The following TRPV1 variants were observed in gnomAD, a reference collection of about 807,000 sequenced individuals.
TRPV1 encodes transient receptor potential cation channel subfamily V member 1, also known as OTRPC1.
TRPV1 carries 82 observed loss-of-function variants against 82.3 expected under a neutral mutation model. The ratio of observed to expected loss-of-function variants is 1.00; its 90% CI spans 0.83 to 1.20. The LOEUF (loss-of-function observed/expected upper bound fraction) is 1.20, where lower values mean the gene tolerates loss of function less well. Ranked by LOEUF, TRPV1 falls within the 50% of genes most tolerant of loss-of-function variation. The pLI, the probability that TRPV1 is intolerant of heterozygous loss-of-function variation, is 0.00. For synonymous variants in TRPV1, 515 were observed against 467.7 expected, an observed-to-expected ratio of 1.10 and a Z score of -1.30; for missense variants, 1,067 against 1,096.8, an observed-to-expected ratio of 0.97 and a Z score of 0.38.
chr17:3,589,885 C>A lies in TRPV1; in HGVS notation c.966G>T (p.Pro322=), dbSNP rs913801171. ...EILMLGAKLH[P]TLKLEELTNK... ...TGGTGAGCTCCTCCAGCTTCAGCGT[C>A]GGGTGCAGTTTGGCCCCCAGCATCA... The change falls in exon 7 of 17, where the codon CCG becomes CCT. Residue 322 remains proline, a synonymous_variant. Coordinates refer to ENST00000572705, the MANE Select transcript of TRPV1 (RefSeq NM_080704.4). 5.0e-6 allele frequency: 8 copies of A among 1,610,592 alleles called. No homozygotes were observed. The highest frequency in any genetic ancestry group is 5.9e-6 in the Non-Finnish European group (7 of 1,178,648).
Position 3,588,341 on chromosome 17 carries a change from C to A in TRPV1, c.1071G>T (p.Glu357Asp). ...IGVLAYILQR[E>D]IQEPECRHLS... Reference sequence around the variant, plus strand: ...GGTGCCTGCACTCGGGCTCCTGGATCTCCCGCTGGAGAATATAGGCCAAGA... The same window carrying A: ...GGTGCCTGCACTCGGGCTCCTGGATATCCCGCTGGAGAATATAGGCCAAGA... Residue 357 changes from glutamate to aspartate, a missense_variant, in exon 8 of 17, where the codon GAG (glutamate) becomes GAT (aspartate). Coordinates refer to ENST00000572705, the MANE Select transcript of TRPV1 (RefSeq NM_080704.4). 1 of 1,561,824 alleles carries A rather than the reference C, an allele frequency of 6.4e-7. No homozygotes were observed. Among genetic ancestry groups the A allele is most frequent in the Non-Finnish European group, 8.7e-7 (1 of 1,153,186 alleles).
intron 13 of TRPV1, among the ~76,000 whole-genome samples, chr17:3,576,915 A>C (rs535396707): frequency 1.3e-5 from 2 of 151,198 alleles, no homozygotes; most frequent in Admixed American, 6.6e-5. Flanking sequence ...CAGCCACAGC[A>C]CTTCCAGCCT....
chr17:3,593,276 C>T (rs1291601346), intron 2 of TRPV1, among the ~76,000 whole-genome samples: 2 of 152,094 alleles, frequency 1.3e-5, no homozygotes, highest in South Asian at 2.1e-4. Flanking sequence ...CGCCACCATG[C>T]GTGGCTAATG....
At chr17:3,600,784 C>T (rs1206671330) in intron 2 of TRPV1, among the ~76,000 whole-genome samples, 1 of 152,132 alleles carries the variant, frequency 6.6e-6, no homozygotes, top group Admixed American at 6.5e-5. Context: ...CCACTCCTGC[C>T]GGGACTCCCT....
At chr17:3,587,975 G>A (rs139139060) in intron 8 of TRPV1, among the ~76,000 whole-genome samples, 2,242 of 152,290 alleles carry the variant, frequency 0.015, 20 homozygotes, top group Non-Finnish European at 0.025. Flanking sequence ...CCTCTGAAAC[G>A]TTTCTGTTTT....
At position 3,585,604 on chromosome 17, in the gene TRPV1, G is replaced by C. The variant is rs1465004486; in HGVS notation, c.1383+164C>G. 9.8e-6 allele frequency: 8 copies of C among 812,708 alleles called. No homozygotes were observed. In the Admixed American group the frequency reaches 2.2e-4, roughly 22 times the overall value. The allele number at this position is 812,708 out of a possible 1,614,324, so 50.3% of individuals were successfully genotyped here. On this transcript the variant is annotated intron_variant, in intron 9 of 16. Coordinates refer to ENST00000572705, the MANE Select transcript of TRPV1 (RefSeq NM_080704.4). Reference sequence around the variant, plus strand: ...ACAGCCTGAGGCAGGGGAGATGGGCGCAGGGATACGAGGTTCTCCACGTTC... The same window carrying C: ...ACAGCCTGAGGCAGGGGAGATGGGCCCAGGGATACGAGGTTCTCCACGTTC...
At position 3,585,861 on chromosome 17, in the gene TRPV1, G is replaced by T. The variant is rs201022949; in HGVS notation, c.1290C>A (p.Phe430Leu). The T allele has an allele frequency of 3.0e-4, 479 of 1,613,888 alleles. No individual in the cohort carries two copies. The highest frequency in any genetic ancestry group is 3.4e-4 in the Non-Finnish European group (401 of 1,179,900). Residue 430 changes from phenylalanine to leucine, a missense_variant, in exon 9 of 17, where the codon TTC becomes TTA. By Grantham distance (22) the Phe-to-Leu change is conservative. Coordinates refer to ENST00000572705, the MANE Select transcript of TRPV1 (RefSeq NM_080704.4). The part of the protein sequence containing the change: ...NRLLQDKWDR[F>L]VKRIFYFNFL... The stretch of plus-strand genomic sequence containing the variant: ...AGTTGAAGTAGAAGATGCGCTTGAC[G>T]AATCTGTCCCACTTGTCCTGCAGGA...
chr17:3,592,225 C>T lies in TRPV1; in HGVS notation c.126G>A (p.Thr42=), dbSNP rs957047890. Residue 42 remains threonine (T), a synonymous_variant, in exon 3 of 17, where the codon ACG becomes ACA. Coordinates refer to ENST00000572705, the MANE Select transcript of TRPV1 (RefSeq NM_080704.4). ...RPPPAKPQLS[T]AKSRTRLFGK... The stretch of plus-strand genomic sequence containing the variant: ...CAAAGAGCCGGGTGCGGCTCTTGGC[C>T]GTGGAGAGCTGGGGCTTGGCTGGAG... 6 of 1,611,950 alleles carry T rather than the reference C, an allele frequency of 3.7e-6. No homozygotes were observed. The African/African-American group carries it at 5.3e-5, about 14-fold the overall frequency.
At chr17:3,577,865 C>T (rs1016979943) in intron 11 of TRPV1, 102 bp from the exon 12 acceptor site, 12 of 1,131,932 alleles carry the variant, frequency 1.1e-5, no homozygotes, top group Middle Eastern at 4.6e-4. Context: ...GACTGCAGGC[C>T]GCAATAGGAG....
Position 3,573,921 on chromosome 17 carries a change from G to C in TRPV1, c.1815C>G (p.Asp605Glu). The change falls in exon 14 of 17, where the codon GAC becomes GAG. Residue 605 changes from aspartate to glutamate, a missense_variant. Transcript: ENST00000572705. Reference sequence around the variant, plus strand: ...GCGACGTGGACTCAGACGGCAGGGAGTCATTCTTCCCGTCTTCAATCAGCG... The same window carrying C: ...GCGACGTGGACTCAGACGGCAGGGACTCATTCTTCCCGTCTTCAATCAGCG... ...VVTLIEDGKN[D>E]SLPSESTSHR... The C allele has an allele frequency of 6.2e-7, 1 of 1,607,144 alleles. No homozygotes were observed. The highest frequency in any genetic ancestry group is 8.5e-7 in the Non-Finnish European group (1 of 1,178,012).
intron 2 of TRPV1, among the ~76,000 whole-genome samples, chr17:3,606,144 A>T (rs1366573312): frequency 6.6e-6 from 1 of 152,084 alleles, no homozygotes; most frequent in Admixed American, 6.6e-5. Context: ...TATTTTTAGT[A>T]GAGACGGGGT....
intron 10 of TRPV1, 134 bp from the exon 11 acceptor site, chr17:3,580,661 A>T (rs1270636418): frequency 1.1e-6 from 1 of 936,784 alleles, no homozygotes; most frequent in Admixed American, 1.9e-5. Context: ...AAAAGAGCAG[A>T]ACAGCAAGGG....
At chr17:3,574,516 C>G (rs1247775573) in intron 13 of TRPV1, among the ~76,000 whole-genome samples, 1 of 152,186 alleles carries the variant, frequency 6.6e-6, no homozygotes, top group African/African-American at 2.4e-5. Flanking sequence ...CCTATTAGGT[C>G]TCTCTTAGTC....
At position 3,577,278 on chromosome 17, in the gene TRPV1, C is replaced by A. The variant is rs1365775493; in HGVS notation, c.1714-86G>T. Reference sequence around the variant, plus strand: ...GCCGGGCCGCATCGGCCTGGGGATGCGTCTTGAGAACGTGCAGGGCGGTTT... The same window carrying A: ...GCCGGGCCGCATCGGCCTGGGGATGAGTCTTGAGAACGTGCAGGGCGGTTT... On this transcript the variant is annotated intron_variant, in intron 12 of 16. Coordinates refer to ENST00000572705, the MANE Select transcript of TRPV1 (RefSeq NM_080704.4). 17 of 1,424,600 alleles carry A rather than the reference C, an allele frequency of 1.2e-5. 1 individual carries two copies. In the South Asian group the frequency reaches 1.7e-4, roughly 15 times the overall value. 88.2% of individuals were successfully genotyped at this position (1,424,600 alleles called of 1,614,324 possible). A position where few individuals can be genotyped will look rare whatever the true frequency, so the allele number is the denominator to read the frequency against.
At chr17:3,574,709 G>A (rs1460277148) in intron 13 of TRPV1, among the ~76,000 whole-genome samples, 1 of 152,162 alleles carries the variant, frequency 6.6e-6, no homozygotes, top group Non-Finnish European at 1.5e-5. Flanking sequence ...AGCACTTTGG[G>A]AGGCTGAGGC....
In TRPV1 at chr17:3,594,126, T is replaced by TA. The variant is rs1184190327; in HGVS notation, c.-33-1744_-33-1743insT. Among the ~76,000 whole-genome samples, 18 of 33,968 alleles carry TA rather than the reference T, an allele frequency of 5.3e-4. No homozygotes were observed. In the Admixed American group the frequency reaches 6.7e-3, roughly 13 times the overall value. The allele number at this position is 33,968 out of a possible 152,430, so 22.3% of individuals were successfully genotyped here. A position where few individuals can be genotyped will look rare whatever the true frequency, so the allele number is the denominator to read the frequency against. ...CTGGGCAACAGAGTGAAACTCTGTC[T>TA]CAAAAAAAAAAAAAAAAAAAAAAAA... On this transcript the variant is annotated intron_variant, in intron 2 of 16. Transcript: ENST00000572705.
chr17:3,604,612 A>AG (rs2075285601), intron 2 of TRPV1, among the ~76,000 whole-genome samples: 1 of 151,720 alleles, frequency 6.6e-6, no homozygotes, highest in Non-Finnish European at 1.5e-5. Flanking sequence ...TCAAAAAAAA[A>AG]AAAAGAAAAA....
intron 2 of TRPV1, 45 bp from the exon 3 acceptor site, chr17:3,592,428 G>A: frequency 2.0e-6 from 3 of 1,478,466 alleles, no homozygotes; most frequent in Non-Finnish European, 1.8e-6. Context: ...AGTAAGGACT[G>A]CTTGTCCTTA....
chr17:3,607,344 A>C (rs1280427783), intron 2 of TRPV1, among the ~76,000 whole-genome samples: 1 of 151,358 alleles, frequency 6.6e-6, no homozygotes. Context: ...ACTCTGCCTA[A>C]AAGAAAAAAA....
Sources: allele counts gnomAD v4.1 joint callset (sites outside exome capture counted in the v4.1 genomes callset), GRCh38; gene constraint gnomAD v4.1.1; transcripts MANE v1.5; gene names NCBI Gene and HGNC (gene_info 2026-07-23, HGNC 2026-07-21).